MED15: variants seen among roughly 807,000 people sequenced by gnomAD.
MED15 encodes mediator of RNA polymerase II transcription subunit 15.
In MED15, 41 loss-of-function variants were observed where a neutral mutation model predicts 118.7. The observed-to-expected ratio is 0.35, with a 90% confidence interval of 0.27 to 0.45. The LOEUF is 0.45. Ranked by LOEUF, MED15 falls within the 20% of genes least tolerant of loss-of-function variation. The probability of loss-of-function intolerance (pLI) is 1.00; values close to 1 mark genes in which losing one functional copy is unlikely to be tolerated. For synonymous variants in MED15, 436 were observed against 413.9 expected (o/e 1.05, Z -0.65); for missense variants, 740 against 1,025.5 (o/e 0.72, Z 3.80).
chr22:20,507,828 A>G (rs1601415555), intron 1 of MED15, 82 bp downstream of exon 1: 1 of 1,582,126 alleles, frequency 6.3e-7, no homozygotes. Context: ...CGGACCCGTG[A>G]GAAACCTACG....
Position 20,586,559 on chromosome 22 carries a change from C to T in MED15, c.2231-9C>T, listed in dbSNP as rs770847768. 1.9e-6 allele frequency: 3 copies of T among 1,611,788 alleles called. No individual in the cohort carries two copies. The highest frequency in any genetic ancestry group is 2.7e-5 in the African/African-American group (2 of 75,024). ...CCGCCTTAGGTTCACGCCCACTGCT[C>T]TGTTGCAGACGCCAACCCCTTCCTC... is the stretch of plus-strand genomic sequence containing the variant. On this transcript the variant is annotated splice_polypyrimidine_tract_variant and intron_variant, in intron 17 of 17. Transcript: ENST00000263205.
chr22:20,508,040 G>T, intron 1 of MED15: 1 of 1,382,540 alleles, frequency 7.2e-7, no homozygotes. Flanking sequence ...ACTTTCCCCC[G>T]CTTTTTGAAC....
At position 20,585,016 on chromosome 22, in the gene MED15, G is replaced by A; in HGVS notation, c.1964+1G>A. 1.9e-6 allele frequency: 3 copies of A among 1,613,994 alleles called. No individual in the cohort carries two copies. Among genetic ancestry groups the A allele is most frequent in the Non-Finnish European group, 2.5e-6 (3 of 1,179,984 alleles). On this transcript the variant is annotated splice_donor_variant, in intron 15 of 17. Coordinates refer to ENST00000263205, the MANE Select transcript of MED15 (RefSeq NM_001003891.3). LOFTEE classifies it high-confidence loss of function. ...CCGCCATTCACGGCCCACCCATCAC[G>A]TATGTCCAGCTGGGCTGGGCTTTGC... is the stretch of plus-strand genomic sequence containing the variant.
At chr22:20,575,715 A>G (rs1444383821) in intron 9 of MED15, among the ~76,000 whole-genome samples, 7 of 150,948 alleles carry the variant, frequency 4.6e-5, no homozygotes, top group Admixed American at 3.3e-4. Flanking sequence ...CCAATTAATT[A>G]TATACATTTT....
Position 20,586,792 on chromosome 22 carries a change from G to T in MED15, c.*88G>T. 1 of 1,545,242 alleles carries T rather than the reference G, an allele frequency of 6.5e-7. No homozygotes were observed. On this transcript the variant is annotated 3_prime_UTR_variant, in exon 18 of 18. Coordinates refer to ENST00000263205, the MANE Select transcript of MED15 (RefSeq NM_001003891.3). ...ACTTCTAGGTGTTGGCTTCCTTAGA[G>T]AGCCTGGGGTTAGGTTAGCTTTCCT...
intron 2 of MED15, chr22:20,550,864 A>G (rs971373450): frequency 3.0e-6 from 1 of 327,892 alleles, no homozygotes; most frequent in Admixed American, 4.2e-5. Context: ...CTCACCTGAG[A>G]GTGGGCTTCA....
chr22:20,585,157 T>A lies in MED15; in HGVS notation c.2021T>A (p.Ile674Asn), dbSNP rs1260425358. 6.2e-7 allele frequency: 1 copy of A among 1,613,636 alleles called. No individual in the cohort carries two copies. The highest frequency in any genetic ancestry group is 8.5e-7 in the Non-Finnish European group (1 of 1,179,978). The part of the protein sequence containing the change: ...RRLEDDERQS[I>N]PSVLQGEVAR... ...CTTGAGGATGATGAGCGGCAGAGCATCCCCAGTGTGCTCCAGGGTGAGGTG... is the reference window on the plus strand; with the variant it reads ...CTTGAGGATGATGAGCGGCAGAGCAACCCCAGTGTGCTCCAGGGTGAGGTG... Residue 674 changes from isoleucine to asparagine, a missense_variant, in exon 16 of 18, where the codon ATC (isoleucine) becomes AAC (asparagine). Coordinates refer to ENST00000263205, the MANE Select transcript of MED15 (RefSeq NM_001003891.3).
At chr22:20,585,330 C>T (rs2057103254) in intron 16 of MED15, 63 bp downstream of exon 16, 3 of 1,579,550 alleles carry the variant, frequency 1.9e-6, no homozygotes, top group Non-Finnish European at 2.6e-6. Flanking sequence ...CCCCAGGACT[C>T]TGCCATCCAA....
At chr22:20,557,344 C>G (rs2056055666) in intron 5 of MED15, among the ~76,000 whole-genome samples, 2 of 152,144 alleles carry the variant, frequency 1.3e-5, no homozygotes, top group Non-Finnish European at 2.9e-5. Flanking sequence ...CCATCCCAAG[C>G]CACCTTCCCT....
chr22:20,583,614 G>T, intron 13 of MED15: 1 of 569,158 alleles, frequency 1.8e-6, no homozygotes, highest in Non-Finnish European at 3.1e-6. Context: ...CTGCTGCTGT[G>T]GCCCTCATGC....
intron 9 of MED15, among the ~76,000 whole-genome samples, chr22:20,578,946 T>TA (rs2056899553): frequency 1.3e-5 from 2 of 152,216 alleles, no homozygotes; most frequent in African/African-American, 4.8e-5. Context: ...ATCTTCCTGT[T>TA]ACGGTGGGCA....
At position 20,577,112 on chromosome 22, in the gene MED15, TAA is replaced by T. The variant is rs1257404502; in HGVS notation, c.1272+1881_1272+1882del. 2.0e-5 allele frequency among the ~76,000 whole-genome samples: 3 copies of T among 152,322 alleles called. No homozygotes were observed. The South Asian group carries it at 6.2e-4, about 32-fold the overall frequency. Reference sequence around the variant, plus strand: ...TGAGCATTTAGCCCCTTTTACAGACTAAGAGTGCCCCCAGGGAGCCACCAAGT... The same window carrying T: ...TGAGCATTTAGCCCCTTTTACAGACTGAGTGCCCCCAGGGAGCCACCAAGT... On this transcript the variant is annotated intron_variant, in intron 9 of 17. Coordinates refer to ENST00000263205, the MANE Select transcript of MED15 (RefSeq NM_001003891.3).
At chr22:20,568,336 C>G (rs1379217095) in intron 7 of MED15, among the ~76,000 whole-genome samples, 185 bp from the exon 8 acceptor site, 1 of 152,080 alleles carries the variant, frequency 6.6e-6, no homozygotes, top group Non-Finnish European at 1.5e-5. Context: ...TTGCCACTTG[C>G]CAGAATTGGA....
intron 1 of MED15, among the ~76,000 whole-genome samples, chr22:20,519,542 C>T (rs2054375530): frequency 6.6e-6 from 1 of 151,934 alleles, no homozygotes; most frequent in East Asian, 1.9e-4. Context: ...GCAACCTCCG[C>T]CTTCCGAGTT....
At chr22:20,565,130 A>G (rs931954461) in intron 6 of MED15, among the ~76,000 whole-genome samples, 1 of 152,234 alleles carries the variant, frequency 6.6e-6, no homozygotes, top group African/African-American at 2.4e-5. Flanking sequence ...CTCAAAAAAA[A>G]TAAAAATAAA....
At chr22:20,566,414 G>A (rs2056440402) in intron 6 of MED15, 53 bp from the exon 7 acceptor site, 3 of 1,596,108 alleles carry the variant, frequency 1.9e-6, no homozygotes, top group African/African-American at 1.3e-5. Flanking sequence ...GGGAGGAGCT[G>A]GTGCCACAGA....
intron 1 of MED15, among the ~76,000 whole-genome samples, chr22:20,529,570 C>T (rs2054780676): frequency 1.3e-5 from 2 of 152,058 alleles, no homozygotes; most frequent in Non-Finnish European, 2.9e-5. Context: ...GATTATAATG[C>T]ACGCCACCAT....
intron 2 of MED15, among the ~76,000 whole-genome samples, chr22:20,549,307 CT>C (rs996826925): frequency 6.6e-6 from 1 of 152,196 alleles, no homozygotes; most frequent in Non-Finnish European, 1.5e-5. Flanking sequence ...TCAGGTACAG[CT>C]GGACACTTAT....
intron 5 of MED15, among the ~76,000 whole-genome samples, chr22:20,563,684 T>C (rs1251242324): frequency 6.6e-6 from 1 of 152,200 alleles, no homozygotes; most frequent in East Asian, 1.9e-4. Flanking sequence ...CCTTGTAAGT[T>C]TGTAGAATGT....
Sources: gnomAD v4.1 joint callset for allele counts (sites outside exome capture counted in the v4.1 genomes callset) on GRCh38, gnomAD v4.1.1 for gene constraint, MANE v1.5 for transcripts, NCBI Gene and HGNC (gene_info 2026-07-23, HGNC 2026-07-21) for gene names.